The following CDCA7 variants were observed in gnomAD, a reference collection of about 807,000 sequenced individuals.
CDCA7 encodes the protein cell division cycle-associated protein 7.
CDCA7 carries 28 observed loss-of-function variants against 54.0 expected under a neutral mutation model. The ratio of observed to expected loss-of-function variants is 0.52; its 90% CI spans 0.38 to 0.71. The LOEUF (loss-of-function observed/expected upper bound fraction) is 0.71. Ranked by LOEUF, CDCA7 falls within the 30% of genes least tolerant of loss-of-function variation. CDCA7 has a pLI of 0.00. For missense variants in CDCA7, 484 were observed against 586.0 expected, an observed-to-expected ratio of 0.83 and a Z score of 1.80; for synonymous variants, 180 against 208.2, an observed-to-expected ratio of 0.86 and a Z score of 1.16.
chr2:173,364,520 A>G, intron 5 of CDCA7: 1 of 274,548 alleles, frequency 3.6e-6, no homozygotes, highest in Non-Finnish European at 6.6e-6. Flanking sequence ...TTTTTTTTAG[A>G]ACAGAAGATC....
intron 1 of CDCA7, 56 bp downstream of exon 1, chr2:173,355,040 CG>C: frequency 7.7e-7 from 1 of 1,296,230 alleles, no homozygotes; most frequent in Non-Finnish European, 9.7e-7. Context: ...TGGACGCAGG[CG>C]GGCGCGGGCC....
chr2:173,361,200 T>G (rs1038801214), intron 3 of CDCA7, among the ~76,000 whole-genome samples: 1 of 152,234 alleles, frequency 6.6e-6, no homozygotes, highest in Non-Finnish European at 1.5e-5. Flanking sequence ...AGTTGATGGA[T>G]AAGTGGGTTG....
chr2:173,367,522 C>A, intron 9 of CDCA7, 112 bp from the exon 10 acceptor site: 1 of 1,385,036 alleles, frequency 7.2e-7, no homozygotes, highest in Non-Finnish European at 1.0e-6. Context: ...CACACTTGAC[C>A]ATAGTGATGT....
intron 3 of CDCA7, among the ~76,000 whole-genome samples, chr2:173,359,709 G>A (rs1156277564): frequency 2.6e-5 from 4 of 152,152 alleles, no homozygotes; most frequent in Non-Finnish European, 5.9e-5. Flanking sequence ...TGAAAATTTG[G>A]AAACTGGTAA....
rs1299935415 is a variant in CDCA7, at chr2:173,367,825, A to T, written c.*161A>T. ...AGCAGACATGTGTTTCTGGAGCATC[A>T]CAGAAGGTATATTGCTAGTTACACT... On this transcript the variant is annotated 3_prime_UTR_variant, in exon 10 of 10. Transcript: ENST00000306721. 1 of 794,630 alleles carries T rather than the reference A, an allele frequency of 1.3e-6. No individual in the cohort carries two copies. The highest frequency in any genetic ancestry group is 2.1e-6 in the Non-Finnish European group (1 of 471,960). 49.2% of individuals were successfully genotyped at this position (794,630 alleles called of 1,614,324 possible).
Position 173,364,884 on chromosome 2 carries a change from G to A in CDCA7, c.789G>A (p.Arg263=), listed in dbSNP as rs754843372. The change falls in exon 6 of 10, where the codon AGG becomes AGA. Residue 263 remains arginine, a synonymous_variant. Transcript: ENST00000306721. ...ERRARPLTRS[R]SRILGSLDAL... ...GAGCTCGTCCTCTTACCAGGTCAAG[G>A]TCCCGGATCCTCGGGTCCCTTGACG... 6.2e-7 allele frequency: 1 copy of A among 1,610,762 alleles called. No individual in the cohort carries two copies. Among genetic ancestry groups the A allele is most frequent in the Non-Finnish European group, 8.5e-7 (1 of 1,178,890 alleles).
In CDCA7 at chr2:173,358,777, A is replaced by C; in HGVS notation, c.87A>C (p.Glu29Asp). ...GATATGTGAAGTTGATTTCCATGGAAACCTCGTCATCCTCTGATGACAGTT... is the reference window on the plus strand; with the variant it reads ...GATATGTGAAGTTGATTTCCATGGACACCTCGTCATCCTCTGATGACAGTT... ...KFRYVKLISM[E>D]TSSSSDDSCD... The change falls in exon 2 of 10, where the codon GAA (glutamate) becomes GAC (aspartate). Residue 29 changes from glutamate to aspartate, a missense_variant. Physicochemically the swap from Glu to Asp is conservative, Grantham distance 45 (BLOSUM62 2). Coordinates refer to ENST00000306721, the MANE Select transcript of CDCA7 (RefSeq NM_031942.5). 1.2e-6 allele frequency: 2 copies of C among 1,614,050 alleles called. No homozygotes were observed. Among genetic ancestry groups the C allele is most frequent in the Non-Finnish European group, 1.7e-6 (2 of 1,179,984 alleles).
At chr2:173,355,095 C>A in intron 1 of CDCA7, 111 bp downstream of exon 1, 1 of 1,179,320 alleles carries the variant, frequency 8.5e-7, no homozygotes, top group Non-Finnish European at 1.1e-6. Flanking sequence ...TAACTGGTGG[C>A]CTGCCTAGGC....
chr2:173,359,473 TGAGATACAA>T lies in CDCA7; in HGVS notation c.369_377del (p.Glu123_Gln125del). The T allele has an allele frequency of 6.2e-7, 1 of 1,613,830 alleles. No homozygotes were observed. Among genetic ancestry groups the T allele is most frequent in the Non-Finnish European group, 8.5e-7 (1 of 1,179,838 alleles). ...AATCATTTTGCGGTTTCTCAGAGAG[TGAGATACAA>T]GATGGAATGGTGAGTTCGAGAATTT... On this transcript the variant is annotated inframe_deletion, in exon 3 of 10. Coordinates refer to ENST00000306721, the MANE Select transcript of CDCA7 (RefSeq NM_031942.5).
chr2:173,358,401 A>G (rs1232005058), intron 1 of CDCA7: 3 of 180,364 alleles, frequency 1.7e-5, no homozygotes, highest in African/African-American at 2.4e-5. Context: ...ATGGTGGCAC[A>G]TGCATGTAGT....
At chr2:173,357,891 A>T (rs2106387651) in intron 1 of CDCA7, among the ~76,000 whole-genome samples, 1 of 152,254 alleles carries the variant, frequency 6.6e-6, no homozygotes, top group South Asian at 2.1e-4. Context: ...CTGCAAAGGG[A>T]TCCCTTCTTA....
At position 173,359,315 on chromosome 2, in the gene CDCA7, G is replaced by C. The variant is rs1306397376; in HGVS notation, c.208G>C (p.Asp70His). ...GGCAAATGTTTTTTATGAGGACTCT[G>C]ATAATGAATCTTTCTGCGGCTTTTC... ...ELANVFYEDS[D>H]NESFCGFSES... The change falls in exon 3 of 10, where the codon GAT (aspartate) becomes CAT (histidine). Residue 70 changes from aspartate (D) to histidine (H), a missense_variant. Asp to His is a moderately conservative substitution (Grantham distance 81, BLOSUM62 -1). Around this residue, in one of 3 missense-constraint regions of CDCA7, gnomAD observed 398 missense variants for 447.4 expected, o/e 0.89. Coordinates refer to ENST00000306721, the MANE Select transcript of CDCA7 (RefSeq NM_031942.5). 1 of 1,614,200 alleles carries C rather than the reference G, an allele frequency of 6.2e-7. No homozygotes were observed.
In CDCA7 at chr2:173,367,166, C is replaced by A; in HGVS notation, c.1202C>A (p.Pro401His). The change falls in exon 9 of 10, where the codon CCT (proline) becomes CAT (histidine). Residue 401 changes from proline (P) to histidine (H), a missense_variant. Physicochemically the swap from Pro to His is moderately conservative, Grantham distance 77. Transcript: ENST00000306721. ...ALLDPNWHCP[P>H]CRGICNCSFC... ...CTCCTTCAGAACTGGCATTGCCCGC[C>A]TTGTCGAGGAATCTGCAACTGCAGT... The A allele has an allele frequency of 1.9e-6, 3 of 1,595,800 alleles. No individual in the cohort carries two copies. The highest frequency in any genetic ancestry group is 2.6e-6 in the Non-Finnish European group (3 of 1,172,504).
intron 3 of CDCA7, among the ~76,000 whole-genome samples, chr2:173,360,742 G>A (rs1686605232): frequency 6.6e-6 from 1 of 152,152 alleles, no homozygotes; most frequent in African/African-American, 2.4e-5. Flanking sequence ...CTCCAAAAGT[G>A]CTGGGATTAC....
In CDCA7 at chr2:173,365,502, G is replaced by A. The variant is rs771431166; in HGVS notation, c.945G>A (p.Pro315=). ...SRRSRSSVTL[P]HIIRPVEEIT... is the part of the protein sequence containing the mutation. Reference sequence around the variant, plus strand: ...GCTCCAGATCATCCGTGACCCTTCCGCATATAATTCGCCCAGTGGAAGAAA... The same window carrying A: ...GCTCCAGATCATCCGTGACCCTTCCACATATAATTCGCCCAGTGGAAGAAA... The change falls in exon 7 of 10, where the codon CCG becomes CCA. Residue 315 remains proline (P), a synonymous_variant. Coordinates refer to ENST00000306721, the MANE Select transcript of CDCA7 (RefSeq NM_031942.5). 19 of 1,614,018 alleles carry A rather than the reference G, an allele frequency of 1.2e-5. No homozygotes were observed. Among genetic ancestry groups the A allele is most frequent in the Middle Eastern group, 3.3e-4 (2 of 6,084 alleles).
At position 173,367,732 on chromosome 2, in the gene CDCA7, A is replaced by T; in HGVS notation, c.*68A>T. 1 of 1,486,384 alleles carries T rather than the reference A, an allele frequency of 6.7e-7. No homozygotes were observed. The highest frequency in any genetic ancestry group is 9.4e-7 in the Non-Finnish European group (1 of 1,065,700). The allele number at this position is 1,486,384 out of a possible 1,614,324, so 92.1% of individuals were successfully genotyped here. Reference sequence around the variant, plus strand: ...TCTTGTAAAAGTTTCCAATTTTTTCACTGAAACCTGAGTTAAAAATCTTGA... The same window carrying T: ...TCTTGTAAAAGTTTCCAATTTTTTCTCTGAAACCTGAGTTAAAAATCTTGA... On this transcript the variant is annotated 3_prime_UTR_variant, in exon 10 of 10. Coordinates refer to ENST00000306721, the MANE Select transcript of CDCA7 (RefSeq NM_031942.5).
intron 4 of CDCA7, 50 bp downstream of exon 4, chr2:173,363,512 C>T (rs1268670537): frequency 1.3e-6 from 2 of 1,520,792 alleles, no homozygotes; most frequent in Non-Finnish European, 1.8e-6. Context: ...CTAAGCGACT[C>T]ATTACTTAAA....
In CDCA7 at chr2:173,366,013, TG is replaced by T. The variant is rs1686712971; in HGVS notation, c.1036-266del. 6.6e-6 allele frequency among the ~76,000 whole-genome samples: 1 copy of T among 152,144 alleles called. No homozygotes were observed. Among genetic ancestry groups the T allele is most frequent in the Admixed American group, 6.5e-5 (1 of 15,278 alleles). ...CTAATTTTTATATTTTTAGTGGAGA[TG>T]GGGTTTTGCCATATTGCCCAGGCTG... is the stretch of plus-strand genomic sequence containing the variant. On this transcript the variant is annotated intron_variant, in intron 7 of 9. Coordinates refer to ENST00000306721, the MANE Select transcript of CDCA7 (RefSeq NM_031942.5). This position sits in a 1 kb window ranked among gnomAD's most constrained non-coding sequence, Gnocchi z 4.5.
At position 173,363,850 on chromosome 2, in the gene CDCA7, C is replaced by T; in HGVS notation, c.654C>T (p.Phe218=). Residue 218 remains phenylalanine, a synonymous_variant, in exon 5 of 10, where the codon TTC becomes TTT. Coordinates refer to ENST00000306721, the MANE Select transcript of CDCA7 (RefSeq NM_031942.5). The part of the protein sequence containing the change: ...LAKLMSELES[F]PGSFRGRHPL... The stretch of plus-strand genomic sequence containing the variant: ...AACTCATGTCTGAATTAGAAAGCTT[C>T]CCTGGCTCGTTCCGTGGAAGACATC... 1 of 1,614,250 alleles carries T rather than the reference C, an allele frequency of 6.2e-7. No homozygotes were observed. Among genetic ancestry groups the T allele is most frequent in the Non-Finnish European group, 8.5e-7 (1 of 1,180,046 alleles).
Sources: allele counts gnomAD v4.1 joint callset (sites outside exome capture counted in the v4.1 genomes callset), GRCh38; gene constraint gnomAD v4.1.1; regional missense constraint gnomAD v4.1.1; non-coding constraint Gnocchi (gnomAD v3.1); transcripts MANE v1.5; gene names NCBI Gene and HGNC (gene_info 2026-07-23, HGNC 2026-07-21).